Variants in AP1M1 observed in about 807,000 individuals in gnomAD.
The protein encoded by AP1M1 is adaptor related protein complex 1 subunit mu 1, also known as AP-1 complex subunit mu-1.
In AP1M1, 18 loss-of-function variants were observed where a neutral mutation model predicts 57.1. The ratio of observed to expected loss-of-function variants is 0.32; its 90% CI spans 0.22 to 0.47. The LOEUF (loss-of-function observed/expected upper bound fraction) is 0.47, where lower values mean the gene tolerates loss of function less well. Ranked by LOEUF, AP1M1 falls within the 20% of genes least tolerant of loss-of-function variation. The pLI is 1.00. For missense variants in AP1M1, 362 were observed against 593.5 expected, an observed-to-expected ratio of 0.61 and a Z score of 4.05; for synonymous variants, 241 against 237.9, an observed-to-expected ratio of 1.01 and a Z score of -0.12.
In AP1M1 at chr19:16,209,062, C is replaced by T; in HGVS notation, c.431C>T (p.Thr144Ile). The T allele has an allele frequency of 6.2e-7, 1 of 1,614,190 alleles. No homozygotes were observed. The highest frequency in any genetic ancestry group is 8.5e-7 in the Non-Finnish European group (1 of 1,180,018). ...YITQEGHKLE[T>I]GAPRPPATVT... ...ACTCAGGAAGGCCACAAGCTGGAAA[C>T]AGGGGCCCCGCGGCCACCAGCCACC... The change falls in exon 5 of 12, where the codon ACA (threonine) becomes ATA (isoleucine). Residue 144 changes from threonine to isoleucine, a missense_variant. Coordinates refer to ENST00000291439, the MANE Select transcript of AP1M1 (RefSeq NM_032493.4).
At chr19:16,198,381 G>A (rs955175416) in intron 1 of AP1M1, 23 of 193,112 alleles carry the variant, frequency 1.2e-4, no homozygotes, top group Non-Finnish European at 2.2e-4. Context: ...GGACCCAGAA[G>A]CGGGGCCGCA....
chr19:16,210,221 A>G (rs2091487929), intron 5 of AP1M1: 1 of 575,688 alleles, frequency 1.7e-6, no homozygotes, highest in African/African-American at 1.9e-5. Context: ...TCCCTTTTAT[A>G]TTTATTTATA....
intron 5 of AP1M1, among the ~76,000 whole-genome samples, chr19:16,217,473 G>T (rs1371097536): frequency 6.6e-6 from 1 of 152,134 alleles, no homozygotes; most frequent in African/African-American, 2.4e-5. Flanking sequence ...CACAGGGGAG[G>T]CTGCAGTGGG....
chr19:16,225,177 C>T (rs183112923), intron 5 of AP1M1, among the ~76,000 whole-genome samples: 110 of 152,320 alleles, frequency 7.2e-4, no homozygotes, highest in African/African-American at 2.5e-3. Context: ...CCCTCAGAGG[C>T]GGCAAGCTGG....
Position 16,239,569 on chromosome 19 carries a change from G to C in AP1M1, c.*5134G>C, listed in dbSNP as rs1328994568. The C allele has an allele frequency of 1.3e-5, 2 of 152,096 alleles. No homozygotes were observed. Among genetic ancestry groups the C allele is most frequent in the South Asian group, 4.1e-4 (2 of 4,820 alleles). 9.4% of individuals were successfully genotyped at this position (152,096 alleles called of 1,614,324 possible). ...AGGCTGAGGCGGCCAGATCATTTTA[G>C]GTCAGGAGTTTGAGACCAGCCTGGC... On this transcript the variant is annotated 3_prime_UTR_variant, in exon 12 of 12. Transcript: ENST00000291439.
rs1242167664 is a variant in AP1M1 at position 16,235,287 on chromosome 19, C to A, written c.*852C>A. 2 of 152,298 alleles carry A rather than the reference C, an allele frequency of 1.3e-5. No individual in the cohort carries two copies. Among genetic ancestry groups the A allele is most frequent in the Non-Finnish European group, 2.9e-5 (2 of 68,078 alleles). The allele number at this position is 152,298 out of a possible 1,614,324, so 9.4% of individuals were successfully genotyped here. A position where few individuals can be genotyped will look rare whatever the true frequency, so the allele number is the denominator to read the frequency against. ...CCACGTCTGCGCTTGGTCACCCGTC[C>A]TCCCCACCCTGTGTGTGTTTATGTC... On this transcript the variant is annotated 3_prime_UTR_variant, in exon 12 of 12. Coordinates refer to ENST00000291439, the MANE Select transcript of AP1M1 (RefSeq NM_032493.4).
At chr19:16,224,285 A>G (rs1217713404) in intron 5 of AP1M1, among the ~76,000 whole-genome samples, 1 of 152,194 alleles carries the variant, frequency 6.6e-6, no homozygotes, top group Non-Finnish European at 1.5e-5. Context: ...GGCAAGTCCC[A>G]GGGGGCAGCT....
At chr19:16,219,484 C>T (rs1341113454) in intron 5 of AP1M1, among the ~76,000 whole-genome samples, 1 of 151,086 alleles carries the variant, frequency 6.6e-6, no homozygotes, top group African/African-American at 2.4e-5. Context: ...TGCAACCTCT[C>T]CCTCCTGGGT....
chr19:16,206,740 C>T lies in AP1M1; in HGVS notation c.267+332C>T, dbSNP rs548306454. Among the ~76,000 whole-genome samples the T allele has an allele frequency of 2.6e-4, 39 of 152,300 alleles. No individual in the cohort carries two copies. Among genetic ancestry groups the T allele is most frequent in the African/African-American group, 8.9e-4 (37 of 41,568 alleles). ...ACCAGCTGGATGGGGCTGGAATAAC[C>T]AGCAGAGCTGCAGAGCTGAGCCCAC... On this transcript the variant is annotated intron_variant, in intron 3 of 11. Coordinates refer to ENST00000291439, the MANE Select transcript of AP1M1 (RefSeq NM_032493.4). This position sits in a 1 kb window ranked among gnomAD's most constrained non-coding sequence, Gnocchi z 4.3.
At position 16,244,447 on chromosome 19, in the gene AP1M1, A is replaced by G. The variant is rs1376733417; in HGVS notation, c.*10012A>G. On this transcript the variant is annotated 3_prime_UTR_variant, in exon 12 of 12. Coordinates refer to ENST00000291439, the MANE Select transcript of AP1M1 (RefSeq NM_032493.4). ...GAAAATACATGAGAAAATCTAGACA[A>G]AGATTGCATAAACAGTTTCTGGAGT... 4 of 152,358 alleles carry G rather than the reference A, an allele frequency of 2.6e-5. No individual in the cohort carries two copies. The highest frequency in any genetic ancestry group is 7.2e-5 in the African/African-American group (3 of 41,596). 9.4% of individuals were successfully genotyped at this position (152,358 alleles called of 1,614,324 possible). A position where few individuals can be genotyped will look rare whatever the true frequency, so the allele number is the denominator to read the frequency against.
In AP1M1 at chr19:16,228,223, G is replaced by A. The variant is rs1173468898; in HGVS notation, c.888+15G>A. 1 of 1,612,422 alleles carries A rather than the reference G, an allele frequency of 6.2e-7. No individual in the cohort carries two copies. The highest frequency in any genetic ancestry group is 1.1e-5 in the South Asian group (1 of 91,066). On this transcript the variant is annotated intron_variant, in intron 8 of 11. Transcript: ENST00000291439. The surrounding 1 kb of genome is among the most constrained non-coding windows in gnomAD (Gnocchi z 5.0). ...ACATGATCAAGGTGCGTGGGCCGAG[G>A]CCACCCACTGAGGGCCTTCTGGTGT...
At chr19:16,198,339 G>GCGCCGGGGC (rs1478512537) in intron 1 of AP1M1, 1 of 237,356 alleles carries the variant, frequency 4.2e-6, no homozygotes, top group Non-Finnish European at 8.2e-6. Context: ...CTGCTCCCCG[G>GCGCCGGGGC]CGCCGGGGCC....
rs1568359193 is a variant in AP1M1 at position 16,242,108 on chromosome 19, T to C, written c.*7673T>C. 1 of 152,300 alleles carries C rather than the reference T, an allele frequency of 6.6e-6. No homozygotes were observed. The highest frequency in any genetic ancestry group is 1.5e-5 in the Non-Finnish European group (1 of 68,224). 9.4% of individuals were successfully genotyped at this position (152,300 alleles called of 1,614,324 possible). On this transcript the variant is annotated 3_prime_UTR_variant, in exon 12 of 12. Transcript: ENST00000291439. ...CTGAGACAGGTGAATTGCTTGAGCC[T>C]AGGAGTTTGAGACCAGCCTGGGCAA...
At chr19:16,214,751 ATTC>A (rs1004139925) in intron 5 of AP1M1, among the ~76,000 whole-genome samples, 21 of 151,028 alleles carry the variant, frequency 1.4e-4, no homozygotes, top group South Asian at 4.2e-4. Context: ...GATCTTTTTT[ATTC>A]TTCTTTTTTT....
At chr19:16,208,888 G>A in intron 4 of AP1M1, 142 bp from the exon 5 acceptor site, 3 of 973,008 alleles carry the variant, frequency 3.1e-6, no homozygotes, top group Non-Finnish European at 4.5e-6. Flanking sequence ...CTTTTCTGGA[G>A]CTGCTGAAAT....
chr19:16,223,231 A>G (rs2091553787), intron 5 of AP1M1, among the ~76,000 whole-genome samples: 1 of 152,214 alleles, frequency 6.6e-6, no homozygotes, highest in South Asian at 2.1e-4. Flanking sequence ...TCCTGGTCAG[A>G]TCTCCTGGGC....
Position 16,207,902 on chromosome 19 carries a change from A to G in AP1M1, c.268-117A>G. ...CTGTAGCACACCACCGAGCCTGGGA[A>G]GTAGGCTGTTGGTAGGACTTAGCGG... is the stretch of plus-strand genomic sequence containing the variant. On this transcript the variant is annotated intron_variant, in intron 3 of 11. Coordinates refer to ENST00000291439, the MANE Select transcript of AP1M1 (RefSeq NM_032493.4). This position sits in a 1 kb window ranked among gnomAD's most constrained non-coding sequence, Gnocchi z 4.2. 1.5e-6 allele frequency: 2 copies of G among 1,324,992 alleles called. No homozygotes were observed. The highest frequency in any genetic ancestry group is 2.1e-6 in the Non-Finnish European group (2 of 962,060). 82.1% of individuals were successfully genotyped at this position (1,324,992 alleles called of 1,614,324 possible).
chr19:16,210,235 A>G (rs1201287145), intron 5 of AP1M1: 1 of 592,106 alleles, frequency 1.7e-6, no homozygotes, highest in Non-Finnish European at 3.1e-6. Context: ...ATTTATATTT[A>G]TTTTCTGTTC....
In AP1M1 at chr19:16,228,094, A is replaced by T. The variant is rs758586494; in HGVS notation, c.817-43A>T. ...TTCCCCTCTGAAATGGGCCTTTGTCAAACAAGGCCAGGTGTGAGCACCCTC... is the reference window on the plus strand; with the variant it reads ...TTCCCCTCTGAAATGGGCCTTTGTCTAACAAGGCCAGGTGTGAGCACCCTC... On this transcript the variant is annotated intron_variant, in intron 7 of 11. Coordinates refer to ENST00000291439, the MANE Select transcript of AP1M1 (RefSeq NM_032493.4). The surrounding 1 kb of genome is among the most constrained non-coding windows in gnomAD (Gnocchi z 5.0). 16 of 1,598,382 alleles carry T rather than the reference A, an allele frequency of 1.0e-5. No homozygotes were observed. The highest frequency in any genetic ancestry group is 1.7e-4 in the Middle Eastern group (1 of 6,042).
Sources: gnomAD v4.1 joint callset for allele counts (sites outside exome capture counted in the v4.1 genomes callset) on GRCh38, gnomAD v4.1.1 for gene constraint, Gnocchi (gnomAD v3.1) non-coding constraint, MANE v1.5 for transcripts, NCBI Gene and HGNC (gene_info 2026-07-23, HGNC 2026-07-21) for gene names.